Variants in MYO5A observed in about 807,000 individuals in gnomAD.
The protein encoded by MYO5A is myosin VA, also known as unconventional myosin-Va.
In MYO5A, 98 loss-of-function variants were observed where a neutral mutation model predicts 249.7. The ratio of observed to expected loss-of-function variants is 0.39; its 90% CI spans 0.33 to 0.46. The LOEUF is 0.46. Among genes scored for constraint, MYO5A ranks in the 20% least tolerant of loss-of-function variants. The pLI is 0.98. For synonymous variants in MYO5A, 778 were observed against 810.6 expected (o/e 0.96, Z 0.68); for missense variants, 1,696 against 2,308.8 (o/e 0.73, Z 5.44).
chr15:52,485,606 T>G (rs1205051947), intron 1 of MYO5A, among the ~76,000 whole-genome samples: 2 of 152,150 alleles, frequency 1.3e-5, no homozygotes, highest in Non-Finnish European at 2.9e-5. Flanking sequence ...AAAAAAAGAT[T>G]AAGTAACCTC....
chr15:52,514,717 G>T (rs1724603), intron 1 of MYO5A, among the ~76,000 whole-genome samples: 109,272 of 152,042 alleles, frequency 0.72, 41,580 homozygotes, highest in Non-Finnish European at 0.83. Context: ...GCAGGCTCAT[G>T]CCCTGTCACA....
At chr15:52,482,018 C>T (rs1385064883) in intron 1 of MYO5A, among the ~76,000 whole-genome samples, 1 of 152,126 alleles carries the variant, frequency 6.6e-6, no homozygotes, top group Non-Finnish European at 1.5e-5. Flanking sequence ...GCTCACTCAG[C>T]ATGATAACTG....
chr15:52,330,530 T>C lies in MYO5A; in HGVS notation c.4409-31A>G. On this transcript the variant is annotated intron_variant, in intron 34 of 41. Transcript: ENST00000399233. ...TGAGAAGTAAGAAAGGAGGAGAAAA[T>C]GTTTTCCATATAAAAAACATGAGAG... 3 of 1,613,332 alleles carry C rather than the reference T, an allele frequency of 1.9e-6. No individual in the cohort carries two copies. In the South Asian group the frequency reaches 3.3e-5, roughly 18 times the overall value.
At position 52,445,357 on chromosome 15, in the gene MYO5A, C is replaced by G. The variant is rs531468219; in HGVS notation, c.28-12072G>C. Reference sequence around the variant, plus strand: ...AAGCTCCCTGAGGCCTCCCTAGAAGCAGATGCCGCCATGCTTCATGTACAG... The same window carrying G: ...AAGCTCCCTGAGGCCTCCCTAGAAGGAGATGCCGCCATGCTTCATGTACAG... On this transcript the variant is annotated intron_variant, in intron 1 of 41. Coordinates refer to ENST00000399233, the MANE Select transcript of MYO5A (RefSeq NM_001382347.1). 5.9e-5 allele frequency among the ~76,000 whole-genome samples: 9 copies of G among 152,256 alleles called. No individual in the cohort carries two copies. In the South Asian group the frequency reaches 1.7e-3, roughly 28 times the overall value.
chr15:52,496,529 G>T (rs552093334), intron 1 of MYO5A, among the ~76,000 whole-genome samples: 1 of 152,264 alleles, frequency 6.6e-6, no homozygotes, highest in South Asian at 2.1e-4. Flanking sequence ...TTAAAATCTA[G>T]GAAGACCCTC....
rs528974196 is a variant in MYO5A at position 52,423,589 on chromosome 15, C to A, written c.455+2241G>T. Reference sequence around the variant, plus strand: ...AAAGAAAACAATGGCAAGAAATGATCCTGCAGCAGTTATTTCTGACTGTAA... The same window carrying A: ...AAAGAAAACAATGGCAAGAAATGATACTGCAGCAGTTATTTCTGACTGTAA... On this transcript the variant is annotated intron_variant, in intron 4 of 41. Transcript: ENST00000399233. Among the ~76,000 whole-genome samples, 27 of 150,854 alleles carry A rather than the reference C, an allele frequency of 1.8e-4. No homozygotes were observed. The South Asian group carries it at 5.5e-3, about 31-fold the overall frequency.
At chr15:52,476,756 A>T (rs1386023597) in intron 1 of MYO5A, among the ~76,000 whole-genome samples, 1 of 152,154 alleles carries the variant, frequency 6.6e-6, no homozygotes, top group East Asian at 1.9e-4. Flanking sequence ...TTCTGCCGAG[A>T]GATCTGCAGT....
rs1406691485 is a variant in MYO5A, at chr15:52,310,161, T to C, written c.*3535A>G. On this transcript the variant is annotated 3_prime_UTR_variant, in exon 42 of 42. Transcript: ENST00000399233. ...CAATAATCCCCAAATTCCCTATCAG[T>C]TGGCTTCGGAATATGTTTTTGTGCT... 1 of 152,198 alleles carries C rather than the reference T, an allele frequency of 6.6e-6. No individual in the cohort carries two copies. The highest frequency in any genetic ancestry group is 1.9e-4 in the East Asian group (1 of 5,198). The allele number at this position is 152,198 out of a possible 1,614,324, so 9.4% of individuals were successfully genotyped here.
At chr15:52,455,971 A>G (rs1025901799) in intron 1 of MYO5A, among the ~76,000 whole-genome samples, 5 of 152,270 alleles carry the variant, frequency 3.3e-5, no homozygotes, top group Middle Eastern at 3.4e-3. Context: ...CAGAGCAATC[A>G]GATAAGAGAA....
At chr15:52,368,355 A>G (rs2040918726) in intron 22 of MYO5A, among the ~76,000 whole-genome samples, 1 of 152,254 alleles carries the variant, frequency 6.6e-6, no homozygotes, top group Admixed American at 6.5e-5. Context: ...CTTGTTTGGT[A>G]GGGGTGCACA....
intron 5 of MYO5A, among the ~76,000 whole-genome samples, chr15:52,412,733 G>T (rs2043303315): frequency 6.6e-6 from 1 of 152,068 alleles, no homozygotes; most frequent in South Asian, 2.1e-4. Flanking sequence ...AGCCACTAAA[G>T]GAAAAAATAA....
chr15:52,381,951 A>T (rs746523833), intron 16 of MYO5A, among the ~76,000 whole-genome samples: 11 of 152,174 alleles, frequency 7.2e-5, no homozygotes, highest in Non-Finnish European at 1.5e-4. Context: ...CCCGCAGGCT[A>T]GAGTGCAGTG....
At chr15:52,435,159 G>C (rs2075634802) in intron 1 of MYO5A, among the ~76,000 whole-genome samples, 1 of 151,812 alleles carries the variant, frequency 6.6e-6, no homozygotes, top group African/African-American at 2.4e-5. Flanking sequence ...AAAGCGAAAA[G>C]AAAGTGGGTG....
At chr15:52,445,296 G>A (rs930930968) in intron 1 of MYO5A, among the ~76,000 whole-genome samples, 27 of 152,114 alleles carry the variant, frequency 1.8e-4, no homozygotes, top group African/African-American at 6.0e-4. Flanking sequence ...TTTTTGCCAT[G>A]TGATGTGTCT....
chr15:52,366,614 C>A (rs1596351002), intron 23 of MYO5A, among the ~76,000 whole-genome samples: 2 of 100,942 alleles, frequency 2.0e-5, no homozygotes, highest in Admixed American at 1.3e-4. Context: ...CTTAGAATAA[C>A]ATCCATTGAT....
chr15:52,433,412 ACTTT>A, intron 1 of MYO5A, 127 bp from the exon 2 acceptor site: 4 of 362,196 alleles, frequency 1.1e-5, no homozygotes, highest in African/African-American at 2.5e-5. Flanking sequence ...CATGAAATTC[ACTTT>A]TTTTTTTTTT....
chr15:52,350,001 C>T (rs1204881565), intron 28 of MYO5A, among the ~76,000 whole-genome samples: 5 of 152,242 alleles, frequency 3.3e-5, no homozygotes, highest in African/African-American at 9.6e-5. Flanking sequence ...GGCACGATCT[C>T]GGCTCACTGC....
In MYO5A at chr15:52,360,094, T is replaced by C. The variant is rs1424382602; in HGVS notation, c.3310-13A>G. The C allele has an allele frequency of 6.5e-7, 1 of 1,548,772 alleles. No homozygotes were observed. The highest frequency in any genetic ancestry group is 8.9e-7 in the Non-Finnish European group (1 of 1,121,846). On this transcript the variant is annotated splice_polypyrimidine_tract_variant and intron_variant, in intron 24 of 41. Coordinates refer to ENST00000399233, the MANE Select transcript of MYO5A (RefSeq NM_001382347.1). ...GCTTAGGCACATGCTGCAAGGCAAATAACCCAGGTATAATTAATGCAACAT... is the reference window on the plus strand; with the variant it reads ...GCTTAGGCACATGCTGCAAGGCAAACAACCCAGGTATAATTAATGCAACAT...
chr15:52,349,196 G>GAAGTC (rs1026736414), intron 28 of MYO5A, among the ~76,000 whole-genome samples: 4 of 152,194 alleles, frequency 2.6e-5, no homozygotes, highest in Non-Finnish European at 5.9e-5. Context: ...GTCTCTCACA[G>GAAGTC]AAGTCGTTTG....
Sources: gnomAD v4.1 joint callset for allele counts (sites outside exome capture counted in the v4.1 genomes callset) on GRCh38, gnomAD v4.1.1 for gene constraint, MANE v1.5 for transcripts, NCBI Gene and HGNC (gene_info 2026-07-23, HGNC 2026-07-21) for gene names.